The following FLT1 variants were observed in gnomAD, a reference collection of about 807,000 sequenced individuals.
The protein encoded by FLT1 is vascular endothelial growth factor receptor 1.
A neutral mutation model predicts 156.3 loss-of-function variants in FLT1; 49 were observed. The observed-to-expected ratio is 0.31, with a 90% CI of 0.25 to 0.40. The LOEUF is 0.40. FLT1 is among the 10% of genes least tolerant of loss of function. The probability of loss-of-function intolerance (pLI) is 1.00; values close to 1 mark genes in which losing one functional copy is unlikely to be tolerated. For synonymous variants in FLT1, 594 were observed against 583.8 expected, an observed-to-expected ratio of 1.02 and a Z score of -0.25; for missense variants, 1,322 against 1,637.2, an observed-to-expected ratio of 0.81 and a Z score of 3.32.
chr13:28,323,599 C>T (rs1269120866), intron 20 of FLT1, among the ~76,000 whole-genome samples: 5 of 147,494 alleles, frequency 3.4e-5, no homozygotes, highest in Middle Eastern at 3.5e-3. Flanking sequence ...TGCAGTGAGC[C>T]GAGATCACGC....
intron 10 of FLT1, among the ~76,000 whole-genome samples, chr13:28,417,851 C>T (rs9508029): frequency 0.28 from 43,092 of 151,392 alleles, 6,482 homozygotes; most frequent in East Asian, 0.49. Context: ...CTGAAATTAG[C>T]AGCCTCTATG....
intron 8 of FLT1, among the ~76,000 whole-genome samples, chr13:28,429,134 T>A (rs1877524915): frequency 6.6e-6 from 1 of 152,196 alleles, no homozygotes; most frequent in Non-Finnish European, 1.5e-5. Flanking sequence ...ACGTTTTTGA[T>A]ATTCTGAAGC....
At chr13:28,318,174 A>T (rs1034061122) in intron 24 of FLT1, among the ~76,000 whole-genome samples, 1 of 152,124 alleles carries the variant, frequency 6.6e-6, no homozygotes, top group East Asian at 1.9e-4. Context: ...GCTACATAGG[A>T]ATCATTCACA....
chr13:28,351,900 C>A (rs1872743748), intron 15 of FLT1, among the ~76,000 whole-genome samples: 1 of 152,144 alleles, frequency 6.6e-6, no homozygotes, highest in Non-Finnish European at 1.5e-5. Context: ...CTAACACTTA[C>A]AAAATTTTTA....
chr13:28,415,335 G>A (rs1404055201), intron 10 of FLT1, among the ~76,000 whole-genome samples: 3 of 152,046 alleles, frequency 2.0e-5, no homozygotes, highest in African/African-American at 7.2e-5. Flanking sequence ...CAAAAAATTA[G>A]CCAGGCGTGG....
At chr13:28,416,007 G>A (rs1244560853) in intron 10 of FLT1, among the ~76,000 whole-genome samples, 8 of 152,214 alleles carry the variant, frequency 5.3e-5, no homozygotes, top group Non-Finnish European at 1.0e-4. Context: ...CAGCCCCAGA[G>A]CTGCCTAAAA....
chr13:28,469,864 G>A (rs970275043), intron 1 of FLT1, among the ~76,000 whole-genome samples: 2 of 151,848 alleles, frequency 1.3e-5, no homozygotes, highest in Admixed American at 6.6e-5. Flanking sequence ...AGCGATTCTC[G>A]TGCCTCAGCC....
chr13:28,494,811 C>T lies in FLT1; in HGVS notation c.33G>A (p.Leu11=), dbSNP rs2137684116. 6.4e-7 allele frequency: 1 copy of T among 1,574,694 alleles called. No individual in the cohort carries two copies. The highest frequency in any genetic ancestry group is 8.6e-7 in the Non-Finnish European group (1 of 1,165,434). The change falls in exon 1 of 30, where the codon CTG becomes CTA. Residue 11 remains leucine (L), a synonymous_variant. Transcript: ENST00000282397. ...GAAGCAGACAGCTGAGCAGCGCGCA[C>T]AGCAGGACCCCGGTGTCCCAGTAGC... MVSYWDTGVL[L]CALLSCLLLT... is the part of the protein sequence containing the mutation.
chr13:28,468,947 G>A (rs909797384), intron 1 of FLT1, among the ~76,000 whole-genome samples: 6 of 152,186 alleles, frequency 3.9e-5, no homozygotes, highest in African/African-American at 1.4e-4. Flanking sequence ...TACAGAGGCT[G>A]AGCCTCCCTT....
chr13:28,409,011 C>A (rs1875980628), intron 10 of FLT1, among the ~76,000 whole-genome samples: 1 of 152,214 alleles, frequency 6.6e-6, no homozygotes. Flanking sequence ...TAAAAGAAAG[C>A]AGCCAATTAT....
intron 13 of FLT1, chr13:28,388,323 G>C: frequency 9.4e-7 from 1 of 1,058,302 alleles, no homozygotes; most frequent in Non-Finnish European, 1.1e-6. Flanking sequence ...TTTAGCCGTG[G>C]GACAGAATCT....
rs145341102 is a variant in FLT1, at chr13:28,378,073, G to A, written c.2116+6812C>T. Among the ~76,000 whole-genome samples the A allele has an allele frequency of 4.3e-3, 573 of 132,220 alleles. 4 individuals are homozygous for A. The highest frequency in any genetic ancestry group is 0.015 in the African/African-American group (541 of 34,912). 86.7% of individuals were successfully genotyped at this position (132,220 alleles called of 152,430 possible). A position where few individuals can be genotyped will look rare whatever the true frequency, so the allele number is the denominator to read the frequency against. On this transcript the variant is annotated intron_variant, in intron 14 of 29. Transcript: ENST00000282397. ...ATCTTTTTTTTTTTTTTTTTGAGTT[G>A]GAGTCTTGCTCTGTTGCCAGGCTGG...
chr13:28,426,773 C>G (rs1302369166), intron 10 of FLT1, among the ~76,000 whole-genome samples: 1 of 152,094 alleles, frequency 6.6e-6, no homozygotes, highest in African/African-American at 2.4e-5. Flanking sequence ...TGGATCATAA[C>G]CAAAGAATAC....
At chr13:28,407,415 TC>T (rs1056592513) in intron 10 of FLT1, among the ~76,000 whole-genome samples, 36 of 152,278 alleles carry the variant, frequency 2.4e-4, no homozygotes, top group African/African-American at 8.7e-4. Context: ...TTAAAATTTT[TC>T]TAGCCTGGCC....
chr13:28,397,749 CGTGTGT>C (rs35710786), intron 11 of FLT1, among the ~76,000 whole-genome samples: 3,947 of 129,810 alleles, frequency 0.03, 148 homozygotes, highest in African/African-American at 0.089. Context: ...TGAAGGAGAC[CGTGTGT>C]GTGTGTGTGT....
chr13:28,490,067 G>T (rs141845721), intron 1 of FLT1, among the ~76,000 whole-genome samples: 17 of 152,344 alleles, frequency 1.1e-4, no homozygotes, highest in African/African-American at 3.4e-4. Context: ...GATGTTGTCT[G>T]TAGCAGGAAC....
chr13:28,384,769 G>T, intron 14 of FLT1, 116 bp downstream of exon 14: 7 of 990,048 alleles, frequency 7.1e-6, no homozygotes, highest in Non-Finnish European at 6.4e-6. Context: ...CCAGTGTTTG[G>T]GGCTCTATCA....
In FLT1 at chr13:28,427,152, T is replaced by C. The variant is rs1877392213; in HGVS notation, c.1436+7A>G. On this transcript the variant is annotated splice_region_variant and intron_variant, in intron 10 of 29. Coordinates refer to ENST00000282397, the MANE Select transcript of FLT1 (RefSeq NM_002019.4). ...TGAAAGTTAGTAAAAAAACTGACTG[T>C]CCCTACCTTGCTTCGGAATGATTAT... The C allele has an allele frequency of 7.4e-6, 12 of 1,613,474 alleles. No homozygotes were observed. The highest frequency in any genetic ancestry group is 2.7e-5 in the African/African-American group (2 of 74,910).
chr13:28,419,587 A>C (rs1159630659), intron 10 of FLT1, among the ~76,000 whole-genome samples: 1 of 152,156 alleles, frequency 6.6e-6, no homozygotes, highest in Admixed American at 6.5e-5. Flanking sequence ...TCACTATAAA[A>C]ACCATCCAGC....
Sources: allele counts gnomAD v4.1 joint callset (sites outside exome capture counted in the v4.1 genomes callset), GRCh38; gene constraint gnomAD v4.1.1; transcripts MANE v1.5; gene names NCBI Gene and HGNC (gene_info 2026-07-23, HGNC 2026-07-21).